Variants in MYOM1 observed in about 807,000 individuals in gnomAD.
MYOM1 encodes the protein myomesin-1.
A neutral mutation model predicts 205.3 loss-of-function variants in MYOM1; 164 were observed. The ratio of observed to expected loss-of-function variants is 0.80; its 90% CI spans 0.70 to 0.91. The LOEUF (loss-of-function observed/expected upper bound fraction) is 0.91, where lower values mean the gene tolerates loss of function less well. MYOM1 is among the 40% of genes least tolerant of loss of function. MYOM1 has a pLI of 0.00. For missense variants in MYOM1, 2,011 were observed against 2,127.3 expected, an observed-to-expected ratio of 0.95 and a Z score of 1.08; for synonymous variants, 772 against 789.4, an observed-to-expected ratio of 0.98 and a Z score of 0.37.
At chr18:3,103,458 G>T (rs2079408670) in intron 22 of MYOM1, among the ~76,000 whole-genome samples, 1 of 152,160 alleles carries the variant, frequency 6.6e-6, no homozygotes, top group Admixed American at 6.5e-5. Context: ...AATTCAAGGA[G>T]AATTTGTACA....
intron 23 of MYOM1, among the ~76,000 whole-genome samples, chr18:3,101,632 C>T (rs1379696385): frequency 6.6e-6 from 1 of 152,128 alleles, no homozygotes; most frequent in Non-Finnish European, 1.5e-5. Context: ...AAAGATTATC[C>T]TCAATCCATT....
chr18:3,191,910 A>C (rs139566265), intron 3 of MYOM1, among the ~76,000 whole-genome samples: 46 of 152,090 alleles, frequency 3.0e-4, no homozygotes, highest in Admixed American at 2.0e-3. Context: ...GTTAGCCAGG[A>C]TGGTCTCAAT....
chr18:3,156,285 AT>A (rs1416577665), intron 10 of MYOM1, among the ~76,000 whole-genome samples: 2 of 152,232 alleles, frequency 1.3e-5, no homozygotes, highest in African/African-American at 4.8e-5. Context: ...GAAAGCACCC[AT>A]GTCGACCAAA....
chr18:3,211,338 TA>T (rs1251716657), intron 2 of MYOM1, among the ~76,000 whole-genome samples: 3 of 152,210 alleles, frequency 2.0e-5, no homozygotes, highest in African/African-American at 7.2e-5. Context: ...TATTCATTTT[TA>T]GACTTTCTAG....
At chr18:3,150,146 G>A (rs187165940) in intron 12 of MYOM1, among the ~76,000 whole-genome samples, 1 of 152,084 alleles carries the variant, frequency 6.6e-6, no homozygotes, top group Non-Finnish European at 1.5e-5. Context: ...TGCAACCTCC[G>A]CCTCCCGGGT....
chr18:3,216,567 A>G (rs1232969116), intron 1 of MYOM1, among the ~76,000 whole-genome samples: 1 of 152,204 alleles, frequency 6.6e-6, no homozygotes, highest in Admixed American at 6.5e-5. Flanking sequence ...GGCACTGAGG[A>G]ATGAACATGA....
the MYOM1 span, among the ~76,000 whole-genome samples, chr18:3,238,379 G>A: frequency 2.0e-5 from 3 of 152,196 alleles, no homozygotes; most frequent in South Asian, 4.1e-4. Context: ...CCTGGGGGAG[G>A]GGGGAGGCAG....
At chr18:3,221,741 G>A (rs894564), upstream of MYOM1, among the ~76,000 whole-genome samples, 21,428 of 152,222 alleles carry the variant, frequency 0.14, 2,407 homozygotes, top group African/African-American at 0.31. Context: ...AAAAGAATCT[G>A]TTCCACCTAG....
intron 8 of MYOM1, among the ~76,000 whole-genome samples, chr18:3,170,752 C>A (rs1431307805): frequency 6.6e-6 from 1 of 152,138 alleles, no homozygotes; most frequent in Non-Finnish European, 1.5e-5. Flanking sequence ...CAAATCTATG[C>A]CGTAGATACT....
the MYOM1 span, chr18:3,236,404 G>A: frequency 6.6e-6 from 1 of 152,222 alleles, no homozygotes; most frequent in African/African-American, 2.4e-5. Context: ...TATTTTGAAG[G>A]ACTTTGCTAA....
Position 3,112,357 on chromosome 18 carries a change from T to C in MYOM1, c.3359A>G (p.Gln1120Arg). 1 of 1,612,972 alleles carries C rather than the reference T, an allele frequency of 6.2e-7. No homozygotes were observed. Among genetic ancestry groups the C allele is most frequent in the Non-Finnish European group, 8.5e-7 (1 of 1,179,126 alleles). Reference protein sequence around the residue: ...SYVFRVRAINQAGVGKPSDLA... With the variant: ...SYVFRVRAINRAGVGKPSDLA... ...GTCAGATGGCTTCCCAACTCCCGCC[T>C]GGTTTATGGCTCGAACACGGAACAC... Residue 1120 changes from glutamine (Q) to arginine (R), a missense_variant, in exon 22 of 38, where the codon CAG (glutamine) becomes CGG (arginine). By Grantham distance (43) the Gln-to-Arg change is conservative. Coordinates refer to ENST00000356443, the MANE Select transcript of MYOM1 (RefSeq NM_003803.4).
At chr18:3,105,259 C>CATA (rs2079437583) in intron 22 of MYOM1, among the ~76,000 whole-genome samples, 1 of 152,200 alleles carries the variant, frequency 6.6e-6, no homozygotes, top group South Asian at 2.1e-4. Flanking sequence ...TTCTCCACCC[C>CATA]ATAACAACAT....
intron 22 of MYOM1, among the ~76,000 whole-genome samples, chr18:3,105,328 A>C (rs2079438608): frequency 6.6e-6 from 1 of 152,220 alleles, no homozygotes; most frequent in Admixed American, 6.5e-5. Flanking sequence ...TGAGTCACAG[A>C]AAAAGGTAAA....
intron 29 of MYOM1, among the ~76,000 whole-genome samples, chr18:3,087,358 G>T (rs750583098): frequency 2.6e-5 from 4 of 151,072 alleles, no homozygotes; most frequent in Non-Finnish European, 5.9e-5. Context: ...TCCTGCACCT[G>T]CCCAAAGTGG....
intron 2 of MYOM1, among the ~76,000 whole-genome samples, chr18:3,203,967 C>T (rs1396930030): frequency 6.6e-6 from 1 of 151,884 alleles, no homozygotes. Flanking sequence ...GAAAATCAGT[C>T]AGTGTAATAT....
chr18:3,214,802 G>T, intron 2 of MYOM1, 132 bp downstream of exon 2: 1 of 1,016,618 alleles, frequency 9.8e-7, no homozygotes, highest in Non-Finnish European at 1.4e-6. Context: ...CTCCAGCCTG[G>T]GCAACAAGAG....
chr18:3,068,962 A>G (rs1197369096), intron 37 of MYOM1, among the ~76,000 whole-genome samples: 1 of 151,970 alleles, frequency 6.6e-6, no homozygotes, highest in Non-Finnish European at 1.5e-5. Context: ...GAGAATAGAG[A>G]TGGGGTCTCA....
At position 3,129,276 on chromosome 18, in the gene MYOM1, T is replaced by A. The variant is rs1364741933; in HGVS notation, c.2750A>T (p.Gln917Leu). The change falls in exon 18 of 38, where the codon CAG becomes CTG. Residue 917 changes from glutamine (Q) to leucine (L), a missense_variant. Physicochemically the swap from Gln to Leu is moderately radical, Grantham distance 113. Coordinates refer to ENST00000356443, the MANE Select transcript of MYOM1 (RefSeq NM_003803.4). ...CAGGGGGTCAGACTTACTTTTCCCC[T>A]GAGGAGCCGCTTTCTGTGGTGGCGG... ...LTPPPQKAAP[Q>L]GKSKSDPLKK... 2 of 1,613,892 alleles carry A rather than the reference T, an allele frequency of 1.2e-6. No individual in the cohort carries two copies. The highest frequency in any genetic ancestry group is 3.3e-5 in the Admixed American group (2 of 59,996).
rs1360155002 is a variant in MYOM1, at chr18:3,204,225, A to G, written c.291-10267T>C. 2.0e-5 allele frequency among the ~76,000 whole-genome samples: 3 copies of G among 152,006 alleles called. No individual in the cohort carries two copies. In the East Asian group the frequency reaches 5.8e-4, roughly 29 times the overall value. ...GATCTGCTCTTGCCACTTCTGTTCA[A>G]CATTGTAGTGGAGGTTCTAGTCTGG... On this transcript the variant is annotated intron_variant, in intron 2 of 37. Transcript: ENST00000356443.
Sources: gnomAD v4.1 joint callset for allele counts (sites outside exome capture counted in the v4.1 genomes callset) on GRCh38, gnomAD v4.1.1 for gene constraint, MANE v1.5 for transcripts, NCBI Gene and HGNC (gene_info 2026-07-23, HGNC 2026-07-21) for gene names.